The following SPATA6 variants were observed in gnomAD, a reference collection of about 807,000 sequenced individuals.
The protein encoded by SPATA6 is spermatogenesis-associated protein 6.
SPATA6 carries 56 observed loss-of-function variants against 65.3 expected under a neutral mutation model. The ratio of observed to expected loss-of-function variants is 0.86; its 90% CI spans 0.69 to 1.07. The LOEUF is 1.07. Among genes scored for constraint, SPATA6 ranks in the 50% least tolerant of loss-of-function variants. The pLI is 0.00. For synonymous variants in SPATA6, 199 were observed against 213.2 expected (o/e 0.93, Z 0.58); for missense variants, 590 against 594.8 (o/e 0.99, Z 0.08).
chr1:48,409,419 T>G (rs2147972336), intron 5 of SPATA6, among the ~76,000 whole-genome samples: 1 of 152,250 alleles, frequency 6.6e-6, no homozygotes, highest in East Asian at 1.9e-4. Context: ...TGGCACTGAG[T>G]GTCTGCAGTT....
intron 5 of SPATA6, among the ~76,000 whole-genome samples, chr1:48,406,872 C>G (rs1190241118): frequency 1.3e-5 from 2 of 152,282 alleles, no homozygotes; most frequent in African/African-American, 4.8e-5. Context: ...AATTTAATCC[C>G]AAATGTTGTC....
intron 9 of SPATA6, among the ~76,000 whole-genome samples, chr1:48,381,010 G>C (rs1037897007): frequency 6.6e-6 from 1 of 152,138 alleles, no homozygotes; most frequent in Non-Finnish European, 1.5e-5. Context: ...TCAGGCATTA[G>C]TTAGATTCTC....
At chr1:48,439,351 T>A (rs1306115449) in intron 3 of SPATA6, among the ~76,000 whole-genome samples, 3 of 152,046 alleles carry the variant, frequency 2.0e-5, no homozygotes, top group African/African-American at 7.3e-5. Context: ...GAGCGCAACT[T>A]TTCCAATCAG....
At chr1:48,451,991 T>C (rs1656612376) in intron 2 of SPATA6, among the ~76,000 whole-genome samples, 1 of 152,208 alleles carries the variant, frequency 6.6e-6, no homozygotes. Flanking sequence ...TGTTATTGCC[T>C]TCTCTGACCA....
intron 2 of SPATA6, among the ~76,000 whole-genome samples, chr1:48,452,603 C>T (rs999121158): frequency 2.4e-4 from 37 of 152,144 alleles, no homozygotes; most frequent in African/African-American, 8.4e-4. Context: ...AGACTGGTCT[C>T]GAACTCCTGA....
rs58072004 is a variant in SPATA6 at position 48,299,516 on chromosome 1, GAAAAA to G, written c.1287-628_1287-624del. Reference sequence around the variant, plus strand: ...ACAACAAGAGCAAAACTCCGTCTCGGAAAAAAAAAAAAAAAAAAAAAGAATGCATA... The same window carrying G: ...ACAACAAGAGCAAAACTCCGTCTCGGAAAAAAAAAAAAAAAAGAATGCATA... On this transcript the variant is annotated intron_variant, in intron 12 of 12. Coordinates refer to ENST00000371847, the MANE Select transcript of SPATA6 (RefSeq NM_019073.4). 2.4e-4 allele frequency among the ~76,000 whole-genome samples: 9 copies of G among 38,202 alleles called. No individual in the cohort carries two copies. In the South Asian group the frequency reaches 8.3e-3, roughly 35 times the overall value. The allele number at this position is 38,202 out of a possible 152,430, so 25.1% of individuals were successfully genotyped here.
downstream of SPATA6, among the ~76,000 whole-genome samples, chr1:48,292,501 G>A (rs114065203): frequency 2.3e-3 from 350 of 152,338 alleles, 5 homozygotes; most frequent in Non-Finnish European, 3.8e-3. Context: ...AGACTGGGGA[G>A]AGCTAGGGGT....
chr1:48,304,192 A>T (rs1320610373), intron 12 of SPATA6, among the ~76,000 whole-genome samples: 5 of 152,200 alleles, frequency 3.3e-5, no homozygotes, highest in Non-Finnish European at 7.3e-5. Context: ...AATATCAAAG[A>T]TACTCTTCTG....
At chr1:48,371,720 T>A (rs575033529) in intron 9 of SPATA6, among the ~76,000 whole-genome samples, 3 of 152,318 alleles carry the variant, frequency 2.0e-5, no homozygotes, top group Non-Finnish European at 4.4e-5. Context: ...TCCATTTTCA[T>A]GCTGCTGATA....
chr1:48,351,608 C>T (rs191592727), intron 11 of SPATA6, among the ~76,000 whole-genome samples: 1 of 152,118 alleles, frequency 6.6e-6, no homozygotes, highest in East Asian at 1.9e-4. Context: ...TAAATTTATA[C>T]TGCATTTCTG....
the SPATA6 span, among the ~76,000 whole-genome samples, chr1:48,288,170 A>G: frequency 6.6e-6 from 1 of 152,096 alleles, no homozygotes; most frequent in African/African-American, 2.4e-5. Context: ...GTGGTGTATG[A>G]TCCTTGTAAT....
intron 9 of SPATA6, among the ~76,000 whole-genome samples, chr1:48,367,698 A>G (rs546415247): frequency 2.0e-5 from 3 of 152,226 alleles, no homozygotes; most frequent in African/African-American, 4.8e-5. Context: ...GTCTCTGCAC[A>G]TGAGATGGGT....
intron 11 of SPATA6, among the ~76,000 whole-genome samples, chr1:48,310,216 A>T (rs1312767867): frequency 6.6e-6 from 1 of 152,330 alleles, no homozygotes; most frequent in Non-Finnish European, 1.5e-5. Context: ...TCCAGGGCAA[A>T]GATTTTGCAC....
At chr1:48,397,968 T>C (rs1042525942) in intron 7 of SPATA6, among the ~76,000 whole-genome samples, 2 of 151,662 alleles carry the variant, frequency 1.3e-5, no homozygotes, top group African/African-American at 4.8e-5. Flanking sequence ...CCCTAAAATA[T>C]TTCAGTTTAT....
intron 10 of SPATA6, among the ~76,000 whole-genome samples, chr1:48,356,884 C>T (rs940496246): frequency 6.6e-6 from 1 of 152,028 alleles, no homozygotes; most frequent in Admixed American, 6.6e-5. Flanking sequence ...TTAAAGAATG[C>T]AATAAGTAAT....
intron 6 of SPATA6, 78 bp downstream of exon 6, chr1:48,403,719 CAAAAT>C: frequency 8.8e-7 from 1 of 1,132,648 alleles, no homozygotes; most frequent in South Asian, 1.6e-5. Flanking sequence ...GAGCTGCAGC[CAAAAT>C]AAATAACGCT....
At chr1:48,405,015 T>C (rs898086136) in intron 5 of SPATA6, among the ~76,000 whole-genome samples, 1 of 152,198 alleles carries the variant, frequency 6.6e-6, no homozygotes, top group Non-Finnish European at 1.5e-5. Flanking sequence ...GCACAAGCAA[T>C]TGTGATTCAA....
chr1:48,332,046 C>T (rs1645931137), intron 11 of SPATA6, among the ~76,000 whole-genome samples: 1 of 152,102 alleles, frequency 6.6e-6, no homozygotes, highest in African/African-American at 2.4e-5. Context: ...AATTTGTTAA[C>T]ACGAGACCTA....
rs2148699718 is a variant in SPATA6 at position 48,320,363 on chromosome 1, G to A, written c.1195-14485C>T. ...AGATACAGAAAAGATCCAAAAAGCA[G>A]CAAGAGAAAAACAAGTAACACACAA... On this transcript the variant is annotated intron_variant, in intron 11 of 12. Coordinates refer to ENST00000371847, the MANE Select transcript of SPATA6 (RefSeq NM_019073.4). 1.3e-5 allele frequency among the ~76,000 whole-genome samples: 2 copies of A among 152,228 alleles called. 1 individual carries two copies. The highest frequency in any genetic ancestry group is 6.8e-3 in the Middle Eastern group (2 of 294).
Sources: gnomAD v4.1 joint callset for allele counts (sites outside exome capture counted in the v4.1 genomes callset) on GRCh38, gnomAD v4.1.1 for gene constraint, MANE v1.5 for transcripts, NCBI Gene and HGNC (gene_info 2026-07-23, HGNC 2026-07-21) for gene names.